The following TRPC4AP variants were observed in gnomAD, a reference collection of about 807,000 sequenced individuals.
The protein encoded by TRPC4AP is transient receptor potential cation channel subfamily C member 4 associated protein, also known as short transient receptor potential channel 4-associated protein.
Under a neutral mutation model 99.0 loss-of-function variants are expected in TRPC4AP, and 45 were observed. That is an observed-to-expected ratio of 0.45 (90% CI 0.36 to 0.58). TRPC4AP has a LOEUF of 0.58. Ranked by LOEUF, TRPC4AP falls within the 20% of genes least tolerant of loss-of-function variation. TRPC4AP has a pLI of 0.00. For synonymous variants in TRPC4AP, 408 were observed against 385.8 expected (o/e 1.06, Z -0.67); for missense variants, 879 against 985.3 (o/e 0.89, Z 1.44).
chr20:35,015,024 G>C (rs1467746325), intron 10 of TRPC4AP, among the ~76,000 whole-genome samples: 1 of 152,116 alleles, frequency 6.6e-6, no homozygotes, highest in Non-Finnish European at 1.5e-5. Context: ...ATGAGACAGT[G>C]TCTTTGCTCT....
chr20:35,055,121 T>A (rs1400386585), intron 4 of TRPC4AP, 90 bp from the exon 5 acceptor site: 2 of 1,125,804 alleles, frequency 1.8e-6, no homozygotes, highest in African/African-American at 1.6e-5. Context: ...AGAACTGTTA[T>A]AATCCCCTCC....
intron 1 of TRPC4AP, among the ~76,000 whole-genome samples, chr20:35,083,654 C>T (rs1181484687): frequency 6.6e-6 from 1 of 150,614 alleles, no homozygotes; most frequent in African/African-American, 2.4e-5. Context: ...ATTTATACTT[C>T]TATACCCAGT....
chr20:35,052,246 A>G (rs959609606), intron 5 of TRPC4AP, among the ~76,000 whole-genome samples: 3 of 151,580 alleles, frequency 2.0e-5, no homozygotes, highest in East Asian at 2.0e-4. Flanking sequence ...ACTATGGTAT[A>G]TAACACCACG....
At chr20:35,019,014 G>A (rs1205814499) in intron 9 of TRPC4AP, among the ~76,000 whole-genome samples, 2 of 152,216 alleles carry the variant, frequency 1.3e-5, no homozygotes, top group African/African-American at 4.8e-5. Flanking sequence ...CCAGAGGGAT[G>A]AAACTTGACA....
chr20:35,081,577 T>C (rs933507229), intron 1 of TRPC4AP, among the ~76,000 whole-genome samples: 4 of 151,984 alleles, frequency 2.6e-5, no homozygotes, highest in Non-Finnish European at 4.4e-5. Flanking sequence ...CAAAGTTTGT[T>C]ATGCCACCTA....
At chr20:35,085,889 T>C (rs1261196391) in intron 1 of TRPC4AP, among the ~76,000 whole-genome samples, 1 of 152,206 alleles carries the variant, frequency 6.6e-6, no homozygotes. Context: ...CTAAATTCCA[T>C]GAAGATAACT....
chr20:35,016,104 A>G lies in TRPC4AP; in HGVS notation c.1254T>C (p.Pro418=). 6.2e-7 allele frequency: 1 copy of G among 1,614,232 alleles called. No homozygotes were observed. Among genetic ancestry groups the G allele is most frequent in the East Asian group, 2.2e-5 (1 of 44,874 alleles). Residue 418 remains proline, a synonymous_variant, in exon 10 of 19, where the codon CCT becomes CCC. Transcript: ENST00000252015. ...GTTTGTCAAACAAATTATTAAGTCC[A>G]GGGATCAGCTTGAACTCTGCAATCA... The part of the protein sequence containing the change: ...HRMIAEFKLI[P]GLNNLFDKLI...
intron 1 of TRPC4AP, among the ~76,000 whole-genome samples, chr20:35,090,758 A>C (rs1600682769): frequency 1.3e-5 from 2 of 152,300 alleles, no homozygotes; most frequent in East Asian, 3.9e-4. Context: ...CTCATTTATC[A>C]TGCTAAAGAA....
chr20:35,085,589 C>CTGT (rs2084818073), intron 1 of TRPC4AP, among the ~76,000 whole-genome samples: 1 of 138,946 alleles, frequency 7.2e-6, no homozygotes, highest in East Asian at 2.1e-4. Flanking sequence ...CCAGCCTGGG[C>CTGT]AACAGAGCAA....
chr20:35,048,508 C>T lies in TRPC4AP; in HGVS notation c.657+1358G>A, dbSNP rs112433439. Among the ~76,000 whole-genome samples the T allele has an allele frequency of 2.0e-5, 3 of 152,214 alleles. No individual in the cohort carries two copies. In the East Asian group the frequency reaches 5.8e-4, roughly 29 times the overall value. Reference sequence around the variant, plus strand: ...TGTTGGAATTACAGGCATGAGCCACCGTGCCTGGCCTGTAAGAATTATTGA... The same window carrying T: ...TGTTGGAATTACAGGCATGAGCCACTGTGCCTGGCCTGTAAGAATTATTGA... On this transcript the variant is annotated intron_variant, in intron 6 of 18. Coordinates refer to ENST00000252015, the MANE Select transcript of TRPC4AP (RefSeq NM_015638.3).
At chr20:35,086,525 ATGTGTGTGTGTGTGTGTG>A (rs1176461079) in intron 1 of TRPC4AP, among the ~76,000 whole-genome samples, 970 of 69,190 alleles carry the variant, frequency 0.014, 97 homozygotes, top group African/African-American at 0.05. Flanking sequence ...GTGTGTATAT[ATGTGTGTGTGTGTGTGTG>A]TGTGTGTGTG....
At position 35,057,504 on chromosome 20, in the gene TRPC4AP, G is replaced by C; in HGVS notation, c.472+10C>G. 1 of 1,608,494 alleles carries C rather than the reference G, an allele frequency of 6.2e-7. No individual in the cohort carries two copies. Among genetic ancestry groups the C allele is most frequent in the Non-Finnish European group, 8.5e-7 (1 of 1,176,182 alleles). ...GAAAACAAGGACCAGTAGCTAATAG[G>C]TATACTTACTTTTCAGTTTCTGTCC... On this transcript the variant is annotated intron_variant, in intron 4 of 18. Transcript: ENST00000252015.
At chr20:35,042,481 A>T (rs1288911454) in intron 7 of TRPC4AP, among the ~76,000 whole-genome samples, 2 of 152,194 alleles carry the variant, frequency 1.3e-5, no homozygotes, top group African/African-American at 2.4e-5. Flanking sequence ...CTTTAGAAAC[A>T]AAGAACTGTT....
chr20:35,050,664 G>C (rs1328269668), intron 5 of TRPC4AP, among the ~76,000 whole-genome samples: 2 of 150,650 alleles, frequency 1.3e-5, no homozygotes, highest in African/African-American at 4.9e-5. Context: ...AGTGAGCCTA[G>C]ACTGTGCAAA....
intron 10 of TRPC4AP, among the ~76,000 whole-genome samples, 173 bp downstream of exon 10, chr20:35,015,835 G>A (rs2147284138): frequency 6.6e-6 from 1 of 152,228 alleles, no homozygotes; most frequent in Admixed American, 6.5e-5. Flanking sequence ...GGTGGGGAGT[G>A]GAGTTCACTC....
rs529946927 is a variant in TRPC4AP, at chr20:35,054,904, G to A, written c.528+72C>T. On this transcript the variant is annotated intron_variant, in intron 5 of 18. Transcript: ENST00000252015. ...AGCTCTTATGTCTGCCATTCTACTC[G>A]AATATTCCCATCTTAAACATTGCAG... is the stretch of plus-strand genomic sequence containing the variant. 38 of 1,339,376 alleles carry A rather than the reference G, an allele frequency of 2.8e-5. 1 individual carries two copies. The highest frequency in any genetic ancestry group is 1.7e-4 in the South Asian group (14 of 81,754). The allele number at this position is 1,339,376 out of a possible 1,614,324, so 83.0% of individuals were successfully genotyped here.
chr20:35,005,944 G>A, intron 15 of TRPC4AP, 141 bp from the exon 16 acceptor site: 2 of 690,128 alleles, frequency 2.9e-6, no homozygotes, highest in East Asian at 5.4e-5. Context: ...GCTCAGATAA[G>A]CTGAGGGACC....
At chr20:35,010,319 G>A (rs759991058) in intron 11 of TRPC4AP, 31 bp from the exon 12 acceptor site, 2 of 1,589,150 alleles carry the variant, frequency 1.3e-6, no homozygotes, top group Non-Finnish European at 1.7e-6. Flanking sequence ...GGAGGTAAAG[G>A]ACAGGAACTG....
chr20:35,084,868 T>G (rs1259172820), intron 1 of TRPC4AP, among the ~76,000 whole-genome samples: 1 of 152,030 alleles, frequency 6.6e-6, no homozygotes, highest in Admixed American at 6.6e-5. Context: ...CAAATATAAT[T>G]GTACAATATA....
Sources: gnomAD v4.1 joint callset for allele counts (sites outside exome capture counted in the v4.1 genomes callset) on GRCh38, gnomAD v4.1.1 for gene constraint, MANE v1.5 for transcripts, NCBI Gene and HGNC (gene_info 2026-07-23, HGNC 2026-07-21) for gene names.